The following SORL1 variants were observed in gnomAD, a reference collection of about 807,000 sequenced individuals.
SORL1 encodes the protein sortilin related receptor 1.
In SORL1, 127 loss-of-function variants were observed where a neutral mutation model predicts 273.7. The observed-to-expected ratio is 0.46, with a 90% CI of 0.40 to 0.54. SORL1 has a LOEUF of 0.54. Among genes scored for constraint, SORL1 ranks in the 20% least tolerant of loss-of-function variants. The pLI is 0.00. For missense variants in SORL1, 2,494 were observed against 2,846.1 expected (o/e 0.88, Z 2.81); for synonymous variants, 1,031 against 1,067.4 (o/e 0.97, Z 0.66).
chr11:121,583,306 G>A (rs1393884236), intron 25 of SORL1, 152 bp from the exon 26 acceptor site: 2 of 829,632 alleles, frequency 2.4e-6, no homozygotes, highest in African/African-American at 3.6e-5. Context: ...CAGCCCAAGT[G>A]CCCAATTCTC....
chr11:121,510,647 A>G (rs549376775), intron 6 of SORL1, among the ~76,000 whole-genome samples: 168 of 152,174 alleles, frequency 1.1e-3, no homozygotes, highest in Non-Finnish European at 1.8e-3. Flanking sequence ...GTGACTTCCC[A>G]TAGGTGCAAA....
chr11:121,562,901 AG>A (rs1212350409), intron 21 of SORL1, among the ~76,000 whole-genome samples: 1 of 152,196 alleles, frequency 6.6e-6, no homozygotes, highest in African/African-American at 2.4e-5. Flanking sequence ...GGTGTCAGCT[AG>A]GGGTCTTGGA....
Position 121,550,434 on chromosome 11 carries a change from C to T in SORL1, c.2181-151C>T. ...CTAGTCTAATTATAAGGAGAACTGACTCAGAACTACGAACATCCTCTTTCT... is the reference window on the plus strand; with the variant it reads ...CTAGTCTAATTATAAGGAGAACTGATTCAGAACTACGAACATCCTCTTTCT... On this transcript the variant is annotated intron_variant, in intron 15 of 47. Transcript: ENST00000260197. The surrounding 1 kb of genome is among the most constrained non-coding windows in gnomAD (Gnocchi z 5.3). The T allele has an allele frequency of 1.3e-6, 1 of 753,582 alleles. No individual in the cohort carries two copies. Among genetic ancestry groups the T allele is most frequent in the South Asian group, 1.6e-5 (1 of 64,288 alleles). The allele number at this position is 753,582 out of a possible 1,614,324, so 46.7% of individuals were successfully genotyped here. A position where few individuals can be genotyped will look rare whatever the true frequency, so the allele number is the denominator to read the frequency against.
chr11:121,594,886 A>G (rs1863270681), intron 31 of SORL1, among the ~76,000 whole-genome samples: 1 of 152,194 alleles, frequency 6.6e-6, no homozygotes, highest in South Asian at 2.1e-4. Context: ...CTTCAGGGTT[A>G]GTCTCTGAAG....
At chr11:121,463,104 A>G (rs77002464) in intron 1 of SORL1, among the ~76,000 whole-genome samples, 2,698 of 151,998 alleles carry the variant, frequency 0.018, 37 homozygotes, top group Non-Finnish European at 0.029. Flanking sequence ...TGCTGTGCTC[A>G]CTCTGACTGT....
At chr11:121,581,053 C>G (rs1425971987) in intron 25 of SORL1, among the ~76,000 whole-genome samples, 1 of 151,990 alleles carries the variant, frequency 6.6e-6, no homozygotes, top group Non-Finnish European at 1.5e-5. Flanking sequence ...GCTGGGACTA[C>G]AGATGTGTGC....
chr11:121,455,489 C>T (rs1860887749), intron 1 of SORL1, among the ~76,000 whole-genome samples: 1 of 152,240 alleles, frequency 6.6e-6, no homozygotes, highest in Non-Finnish European at 1.5e-5. Flanking sequence ...GGAATACTTG[C>T]ATCTGAGAAA....
chr11:121,595,627 C>A lies in SORL1; in HGVS notation c.4374C>A (p.Asn1458Lys). 6.3e-7 allele frequency: 1 copy of A among 1,592,162 alleles called. No individual in the cohort carries two copies. The highest frequency in any genetic ancestry group is 1.1e-5 in the South Asian group (1 of 88,366). Residue 1458 changes from asparagine to lysine, a missense_variant, in exon 32 of 48, where the codon AAC becomes AAA. Coordinates refer to ENST00000260197, the MANE Select transcript of SORL1 (RefSeq NM_003105.6). The surrounding 1 kb of genome is among the most constrained non-coding windows in gnomAD (Gnocchi z 5.1). ...TTTAAAAATCTTTTATTTTAGCAAA[C>A]GTCACTGCTGCCTCCACTCCCACCC... ...SDEEACPLLA[N>K]VTAASTPTQL...
chr11:121,570,295 A>G (rs1862821672), intron 23 of SORL1, 25 bp downstream of exon 23: 2 of 1,554,040 alleles, frequency 1.3e-6, no homozygotes, highest in Middle Eastern at 1.7e-4. Flanking sequence ...TTGGACGTTA[A>G]GCACTTACCA....
chr11:121,463,676 G>A (rs1861038422), intron 1 of SORL1, among the ~76,000 whole-genome samples: 1 of 152,218 alleles, frequency 6.6e-6, no homozygotes, highest in African/African-American at 2.4e-5. Context: ...CATCAGCAAA[G>A]TAGTTCAGGA....
rs1863846723 is a variant in SORL1 at position 121,629,648 on chromosome 11, T to A, written c.*85T>A. 3 of 708,406 alleles carry A rather than the reference T, an allele frequency of 4.2e-6. No individual in the cohort carries two copies. In the East Asian group the frequency reaches 7.7e-5, roughly 18 times the overall value. 43.9% of individuals were successfully genotyped at this position (708,406 alleles called of 1,614,324 possible). A position where few individuals can be genotyped will look rare whatever the true frequency, so the allele number is the denominator to read the frequency against. On this transcript the variant is annotated 3_prime_UTR_variant, in exon 48 of 48. Transcript: ENST00000260197. ...ATGGTTTATTTTAAAAGATGCACTT[T>A]GAGTTGCAATATGTTATTTTTATAT...
At chr11:121,466,317 G>T (rs1174182368) in intron 1 of SORL1, among the ~76,000 whole-genome samples, 1 of 152,152 alleles carries the variant, frequency 6.6e-6, no homozygotes, top group South Asian at 2.1e-4. Context: ...GGACCTGTGT[G>T]GGGGATTGGC....
Position 121,452,433 on chromosome 11 carries a change from G to A in SORL1, c.102G>A (p.Arg34=), listed in dbSNP as rs747778796. 8 of 1,504,656 alleles carry A rather than the reference G, an allele frequency of 5.3e-6. No individual in the cohort carries two copies. The East Asian group carries it at 2.2e-4, about 42-fold the overall frequency. 93.2% of individuals were successfully genotyped at this position (1,504,656 alleles called of 1,614,324 possible). The stretch of plus-strand genomic sequence containing the variant: ...CTCTCTGCGAAGTCTGGACGCAGAG[G>A]CTGCACGGCGGCAGCGCGCCCTTGC... ...PGALCEVWTQ[R]LHGGSAPLPQ... The change falls in exon 1 of 48, where the codon AGG becomes AGA. Residue 34 remains arginine (R), a synonymous_variant. Coordinates refer to ENST00000260197, the MANE Select transcript of SORL1 (RefSeq NM_003105.6). This position sits in a 1 kb window ranked among gnomAD's most constrained non-coding sequence, Gnocchi z 5.3.
At chr11:121,479,076 C>T (rs1333595442) in intron 3 of SORL1, among the ~76,000 whole-genome samples, 3 of 152,070 alleles carry the variant, frequency 2.0e-5, no homozygotes, top group Admixed American at 1.3e-4. Flanking sequence ...GAACCTGTAC[C>T]GATATGGAAA....
chr11:121,559,775 A>G, intron 21 of SORL1, 118 bp downstream of exon 21: 1 of 801,318 alleles, frequency 1.2e-6, no homozygotes, highest in South Asian at 1.8e-5. Flanking sequence ...TCACGACAAC[A>G]TGCACATTAT....
At chr11:121,458,615 G>A (rs1164686642) in intron 1 of SORL1, among the ~76,000 whole-genome samples, 1 of 152,172 alleles carries the variant, frequency 6.6e-6, no homozygotes, top group East Asian at 1.9e-4. Context: ...AGTCAGTCTA[G>A]CCACGTACAT....
At chr11:121,542,905 C>T (rs188423678) in intron 12 of SORL1, among the ~76,000 whole-genome samples, 8 of 151,002 alleles carry the variant, frequency 5.3e-5, no homozygotes, top group Admixed American at 3.3e-4. Flanking sequence ...GGGCCAGACA[C>T]GGTGGCTCAT....
chr11:121,501,016 G>T (rs947407176), intron 6 of SORL1, among the ~76,000 whole-genome samples: 6 of 152,112 alleles, frequency 3.9e-5, no homozygotes, highest in African/African-American at 1.4e-4. Context: ...TTCTAGATGA[G>T]AAATCAGCTG....
intron 29 of SORL1, 151 bp from the exon 30 acceptor site, chr11:121,589,889 C>T: frequency 3.6e-6 from 3 of 842,052 alleles, no homozygotes; most frequent in Non-Finnish European, 3.8e-6. Context: ...TTTTTTGTTC[C>T]CCATTGGGTC....
Sources: gnomAD v4.1 joint callset for allele counts (sites outside exome capture counted in the v4.1 genomes callset) on GRCh38, gnomAD v4.1.1 for gene constraint, Gnocchi (gnomAD v3.1) non-coding constraint, MANE v1.5 for transcripts, NCBI Gene and HGNC (gene_info 2026-07-23, HGNC 2026-07-21) for gene names.